Variants in KLF8 observed in about 807,000 individuals in gnomAD.
KLF8 encodes Krueppel-like factor 8.
KLF8 carries 10 observed loss-of-function variants against 18.2 expected under a neutral mutation model. The ratio of observed to expected loss-of-function variants is 0.55; its 90% CI spans 0.34 to 0.93. KLF8 has a LOEUF of 0.93. KLF8 is among the 40% of genes least tolerant of loss of function. The pLI is 0.02. For missense variants in KLF8, 264 were observed against 277.9 expected, an observed-to-expected ratio of 0.95 and a Z score of 0.36; for synonymous variants, 109 against 97.3, an observed-to-expected ratio of 1.12 and a Z score of -0.71.
At chrX:56,182,232 C>T in the KLF8 span, among the ~76,000 whole-genome samples, 5 of 112,204 alleles carry the variant, frequency 4.5e-5, no homozygotes, top group Admixed American at 4.7e-4. Context: ...CACTGATACC[C>T]TTTCTTCCAG....
At chrX:56,231,934 A>G (rs1032982664), upstream of KLF8, among the ~76,000 whole-genome samples, 10 of 110,544 alleles carry the variant, frequency 9.0e-5, no homozygotes, top group African/African-American at 3.3e-4. Context: ...TTGCTAGAAA[A>G]TGCACCAAGC....
At chrX:55,981,201 T>TA in the KLF8 span, among the ~76,000 whole-genome samples, 2 of 111,568 alleles carry the variant, frequency 1.8e-5, no homozygotes, top group Admixed American at 1.9e-4. Context: ...TCAAAATAAT[T>TA]AAAAAAAATT....
the KLF8 span, among the ~76,000 whole-genome samples, chrX:56,022,318 G>A: frequency 1.8e-5 from 2 of 109,870 alleles, no homozygotes; most frequent in East Asian, 5.7e-4. Context: ...AGGCTGATGC[G>A]GGCGGATCAC....
the KLF8 span, among the ~76,000 whole-genome samples, chrX:55,962,998 G>A: frequency 8.9e-6 from 1 of 112,222 alleles, no homozygotes; most frequent in South Asian, 3.7e-4. Flanking sequence ...CAATCAGTAT[G>A]CTGACATTAC....
At chrX:56,214,328 C>T in the KLF8 span, among the ~76,000 whole-genome samples, 15 of 112,327 alleles carry the variant, frequency 1.3e-4, no homozygotes, top group Admixed American at 4.7e-4. Context: ...TCTCTGCCTC[C>T]TGTCCCTATC....
intron 5 of KLF8, among the ~76,000 whole-genome samples, chrX:56,270,528 T>C (rs1219735662): frequency 8.1e-5 from 9 of 111,032 alleles, no homozygotes; most frequent in African/African-American, 3.0e-4. Context: ...ATGGTTTTTA[T>C]CCCTATTTCT....
At chrX:56,055,615 GC>G in the KLF8 span, among the ~76,000 whole-genome samples, 1 of 112,097 alleles carries the variant, frequency 8.9e-6, no homozygotes, top group African/African-American at 3.2e-5. Context: ...GGCCTCTCTA[GC>G]TAGGTTGAAG....
At chrX:56,210,506 C>T in the KLF8 span, among the ~76,000 whole-genome samples, 1 of 110,813 alleles carries the variant, frequency 9.0e-6, no homozygotes, top group Non-Finnish European at 1.9e-5. Context: ...TTTTTAAATG[C>T]CTTGAGGTAG....
the KLF8 span, among the ~76,000 whole-genome samples, chrX:56,167,964 C>T: frequency 1.8e-5 from 2 of 111,633 alleles, no homozygotes; most frequent in Admixed American, 9.6e-5. Flanking sequence ...ATAGCAAATA[C>T]CACAGTATAC....
At chrX:56,083,980 A>C in the KLF8 span, among the ~76,000 whole-genome samples, 1 of 111,849 alleles carries the variant, frequency 8.9e-6, no homozygotes, top group African/African-American at 3.3e-5. Context: ...TGCATAGAAA[A>C]CAACTGAATT....
chrX:55,969,334 A>C, the KLF8 span, among the ~76,000 whole-genome samples: 1 of 112,032 alleles, frequency 8.9e-6, no homozygotes. Context: ...GAAATTAAAC[A>C]ATATGCTCCT....
chrX:56,179,703 G>T, the KLF8 span, among the ~76,000 whole-genome samples: 1 of 111,688 alleles, frequency 9.0e-6, no homozygotes, highest in Non-Finnish European at 1.9e-5. Flanking sequence ...AGCATGAAGG[G>T]TTGTTGAATT....
the KLF8 span, chrX:55,961,292 G>A: frequency 2.6e-6 from 1 of 384,363 alleles, no homozygotes; most frequent in Non-Finnish European, 4.9e-6. Context: ...CTCTGCCAGA[G>A]GTCCTGGTGG....
At chrX:56,095,537 T>C in the KLF8 span, among the ~76,000 whole-genome samples, 1 of 111,313 alleles carries the variant, frequency 9.0e-6, no homozygotes, top group South Asian at 3.6e-4. Flanking sequence ...ATGGAAAATA[T>C]ATTTGCAAAC....
chrX:56,062,132 T>C, the KLF8 span, among the ~76,000 whole-genome samples: 1 of 109,446 alleles, frequency 9.1e-6, no homozygotes, highest in Non-Finnish European at 1.9e-5. Flanking sequence ...CCAGTCTGTG[T>C]CTTTTAATTG....
At chrX:56,112,432 A>G in the KLF8 span, among the ~76,000 whole-genome samples, 4 of 111,803 alleles carry the variant, frequency 3.6e-5, no homozygotes, top group Admixed American at 1.9e-4. Flanking sequence ...ATACCTATGT[A>G]ACAAACTTGC....
At chrX:56,191,226 C>T in the KLF8 span, among the ~76,000 whole-genome samples, 3,100 of 111,390 alleles carry the variant, frequency 0.028, 121 homozygotes, top group African/African-American at 0.096. Context: ...GGATAAATTG[C>T]TAGAAACATA....
the KLF8 span, among the ~76,000 whole-genome samples, chrX:55,949,333 CTGTGTGTGTG>C: frequency 1.8e-4 from 16 of 88,193 alleles, no homozygotes; most frequent in South Asian, 3.5e-3. Context: ...TTTTCATATG[CTGTGTGTGTG>C]TGTGTGTGTG....
the KLF8 span, among the ~76,000 whole-genome samples, chrX:56,188,995 G>T: frequency 9.0e-6 from 1 of 111,579 alleles, no homozygotes; most frequent in Non-Finnish European, 1.9e-5. Flanking sequence ...AAAAGCAATG[G>T]CAACAAAAGC....
Sources: gnomAD v4.1 joint callset for allele counts (sites outside exome capture counted in the v4.1 genomes callset) on GRCh38, gnomAD v4.1.1 for gene constraint, MANE v1.5 for transcripts, NCBI Gene and HGNC (gene_info 2026-07-23, HGNC 2026-07-21) for gene names.